The following ZFAT variants were observed in gnomAD, a reference collection of about 807,000 sequenced individuals.
ZFAT encodes zinc finger protein ZFAT.
A neutral mutation model predicts 117.7 loss-of-function variants in ZFAT; 64 were observed. The observed-to-expected ratio is 0.54, with a 90% confidence interval of 0.44 to 0.67. ZFAT has a LOEUF of 0.67. Among genes scored for constraint, ZFAT ranks in the 30% least tolerant of loss-of-function variants. The pLI is 0.00. For missense variants in ZFAT, 1,433 were observed against 1,584.5 expected (o/e 0.90, Z 1.62); for synonymous variants, 679 against 615.0 (o/e 1.10, Z -1.54).
rs1224442246 is a variant in ZFAT, at chr8:134,478,854, A to G, written c.3493-133T>C. 6 of 1,348,450 alleles carry G rather than the reference A, an allele frequency of 4.4e-6. No homozygotes were observed. In the African/African-American group the frequency reaches 7.3e-5, roughly 16 times the overall value. 83.5% of individuals were successfully genotyped at this position (1,348,450 alleles called of 1,614,324 possible). A position where few individuals can be genotyped will look rare whatever the true frequency, so the allele number is the denominator to read the frequency against. On this transcript the variant is annotated intron_variant, in intron 15 of 15. Transcript: ENST00000377838. The surrounding 1 kb of genome is among the most constrained non-coding windows in gnomAD (Gnocchi z 5.2). The stretch of plus-strand genomic sequence containing the variant: ...CGTCCATTCTCCACGGATCCTCTCT[A>G]CCAGGCTGTGCTTGCTCTCATGCCC...
chr8:134,490,903 C>T (rs1332954262), intron 15 of ZFAT, among the ~76,000 whole-genome samples: 9 of 152,198 alleles, frequency 5.9e-5, no homozygotes, highest in African/African-American at 1.7e-4. Flanking sequence ...GTCTGCCTTG[C>T]TGTCCTCCCC....
At chr8:134,634,049 A>AAAAAC (rs1311637805) in intron 3 of ZFAT, among the ~76,000 whole-genome samples, 1 of 131,644 alleles carries the variant, frequency 7.6e-6, no homozygotes, top group African/African-American at 2.8e-5. Context: ...TCCATCTCAA[A>AAAAAC]AAAACAAAAC....
At chr8:134,619,321 A>G (rs1279829218) in intron 3 of ZFAT, among the ~76,000 whole-genome samples, 1 of 152,216 alleles carries the variant, frequency 6.6e-6, no homozygotes, top group East Asian at 1.9e-4. Context: ...AATTCGAAGT[A>G]CAGTTTCTAC....
chr8:134,642,379 A>G (rs920538640), intron 2 of ZFAT, among the ~76,000 whole-genome samples: 1 of 152,208 alleles, frequency 6.6e-6, no homozygotes, highest in Non-Finnish European at 1.5e-5. Context: ...AAAAATAAAC[A>G]CAAAACTGCC....
chr8:134,700,706 C>T (rs1434461096), intron 1 of ZFAT, among the ~76,000 whole-genome samples: 1 of 152,206 alleles, frequency 6.6e-6, no homozygotes, highest in African/African-American at 2.4e-5. Flanking sequence ...CTGCCTTGCC[C>T]CCTGCTGTAT....
chr8:134,759,270 G>A, the ZFAT span, among the ~76,000 whole-genome samples: 1 of 152,202 alleles, frequency 6.6e-6, no homozygotes, highest in African/African-American at 2.4e-5. Context: ...TGCAGATCCA[G>A]CAAGAGGGAC....
intron 3 of ZFAT, among the ~76,000 whole-genome samples, chr8:134,626,153 G>A (rs1469185158): frequency 6.6e-6 from 1 of 152,222 alleles, no homozygotes; most frequent in Non-Finnish European, 1.5e-5. Flanking sequence ...AGTGGGAGAG[G>A]GGGGCTGCAG....
chr8:134,736,990 CAT>C, the ZFAT span, among the ~76,000 whole-genome samples: 2 of 152,110 alleles, frequency 1.3e-5, no homozygotes, highest in Non-Finnish European at 2.9e-5. Flanking sequence ...AATGTAAAAA[CAT>C]AGTTCTGGCC....
chr8:134,694,425 A>G (rs1267013062), intron 1 of ZFAT, among the ~76,000 whole-genome samples: 1 of 152,252 alleles, frequency 6.6e-6, no homozygotes, highest in African/African-American at 2.4e-5. Flanking sequence ...AAAGCAATGT[A>G]GTAAAATACT....
chr8:134,670,124 G>A (rs926468676), intron 1 of ZFAT, among the ~76,000 whole-genome samples: 4 of 152,184 alleles, frequency 2.6e-5, no homozygotes, highest in Non-Finnish European at 2.9e-5. Flanking sequence ...GATCTACAAA[G>A]AGACTTAGAC....
intron 6 of ZFAT, among the ~76,000 whole-genome samples, chr8:134,601,031 C>G (rs1156592817): frequency 6.6e-6 from 1 of 152,122 alleles, no homozygotes; most frequent in African/African-American, 2.4e-5. Flanking sequence ...ATATCCTGAC[C>G]ACCAGCTCCC....
At chr8:134,819,504 C>A in the ZFAT span, among the ~76,000 whole-genome samples, 32 of 95,398 alleles carry the variant, frequency 3.4e-4, 1 homozygote, top group African/African-American at 4.7e-4. Context: ...CCACCCCCCC[C>A]CCCCGCCCCC....
rs57041885 is a variant in ZFAT at position 134,566,393 on chromosome 8, CAAA to C, written c.2888-975_2888-973del. Among the ~76,000 whole-genome samples, 416 of 77,286 alleles carry C rather than the reference CAAA, an allele frequency of 5.4e-3. 9 individuals are homozygous for C. Among genetic ancestry groups the C allele is most frequent in the Admixed American group, 9.3e-3 (50 of 5,378 alleles). 50.7% of individuals were successfully genotyped at this position (77,286 alleles called of 152,430 possible). On this transcript the variant is annotated intron_variant, in intron 10 of 15. Coordinates refer to ENST00000377838, the MANE Select transcript of ZFAT (RefSeq NM_020863.4). ...TGGGCGACAGAGCAAGACTCCAACTCAAAAAAAAAAAAAAAAAGATTAAGGTTT... is the reference window on the plus strand; with the variant it reads ...TGGGCGACAGAGCAAGACTCCAACTCAAAAAAAAAAAAAAGATTAAGGTTT...
chr8:134,726,744 G>A, the ZFAT span, among the ~76,000 whole-genome samples: 86 of 152,250 alleles, frequency 5.6e-4, no homozygotes, highest in South Asian at 0.017. Context: ...TGGGACCGCA[G>A]GTGAACGCCA....
intron 9 of ZFAT, among the ~76,000 whole-genome samples, chr8:134,586,337 C>T (rs1219803994): frequency 2.0e-5 from 3 of 152,210 alleles, no homozygotes; most frequent in Non-Finnish European, 2.9e-5. Flanking sequence ...CCAATATGTG[C>T]TAAGCCTTCT....
At chr8:134,828,248 T>A in the ZFAT span, among the ~76,000 whole-genome samples, 1 of 152,228 alleles carries the variant, frequency 6.6e-6, no homozygotes, top group Non-Finnish European at 1.5e-5. Flanking sequence ...ACTAAAAAAA[T>A]CAATGGCACC....
intron 1 of ZFAT, among the ~76,000 whole-genome samples, chr8:134,712,592 G>A (rs1214859045): frequency 6.6e-6 from 1 of 151,124 alleles, no homozygotes; most frequent in Non-Finnish European, 1.5e-5. Context: ...GAAACGGCCG[G>A]GCGCATGCTC....
At chr8:134,719,514 C>T in the ZFAT span, among the ~76,000 whole-genome samples, 6 of 152,224 alleles carry the variant, frequency 3.9e-5, no homozygotes, top group South Asian at 2.1e-4. Context: ...GCCGCCAGCT[C>T]GCTGCAGAAC....
chr8:134,762,792 A>G, the ZFAT span, among the ~76,000 whole-genome samples: 3 of 152,244 alleles, frequency 2.0e-5, no homozygotes, highest in African/African-American at 7.2e-5. Flanking sequence ...TGTCTAAAAC[A>G]GAATACTTGC....
Sources: gnomAD v4.1 joint callset for allele counts (sites outside exome capture counted in the v4.1 genomes callset) on GRCh38, gnomAD v4.1.1 for gene constraint, Gnocchi (gnomAD v3.1) non-coding constraint, MANE v1.5 for transcripts, NCBI Gene and HGNC (gene_info 2026-07-23, HGNC 2026-07-21) for gene names.